TRAPPC8: variants seen among roughly 807,000 people sequenced by gnomAD.
The protein encoded by TRAPPC8 is trafficking protein particle complex subunit 8, also known as general sporulation gene 1 homolog.
A neutral mutation model predicts 174.3 loss-of-function variants in TRAPPC8; 54 were observed. The ratio of observed to expected loss-of-function variants is 0.31; its 90% confidence interval spans 0.25 to 0.39. The LOEUF is 0.39. Among genes scored for constraint, TRAPPC8 ranks in the 10% least tolerant of loss-of-function variants. The pLI, the probability that TRAPPC8 is intolerant of heterozygous loss-of-function variation, is 1.00. For missense variants in TRAPPC8, 1,531 were observed against 1,699.1 expected (o/e 0.90, Z 1.74); for synonymous variants, 630 against 579.9 (o/e 1.09, Z -1.24).
At chr18:31,867,239 C>A (rs938916733) in intron 17 of TRAPPC8, among the ~76,000 whole-genome samples, 163 bp downstream of exon 17, 3 of 152,142 alleles carry the variant, frequency 2.0e-5, no homozygotes, top group African/African-American at 7.2e-5. Flanking sequence ...AAGACCACTG[C>A]AAACCACCAA....
At chr18:31,917,430 AAAT>A in intron 3 of TRAPPC8, 145 bp downstream of exon 3, 1 of 671,484 alleles carries the variant, frequency 1.5e-6, no homozygotes, top group Non-Finnish European at 2.4e-6. Context: ...CCATTTAACA[AAAT>A]AACAAGACTC....
intron 12 of TRAPPC8, among the ~76,000 whole-genome samples, chr18:31,887,613 T>C (rs1397148699): frequency 8.1e-5 from 11 of 135,816 alleles, no homozygotes; most frequent in Non-Finnish European, 1.5e-4. Flanking sequence ...GCCATTGCAC[T>C]CCAGCCTGGG....
chr18:31,870,302 T>C lies in TRAPPC8; in HGVS notation c.2388+70A>G, dbSNP rs151089600. The C allele has an allele frequency of 2.7e-3, 3,854 of 1,415,708 alleles. 55 individuals are homozygous for C. In the African/African-American group the frequency reaches 0.038, roughly 14 times the overall value. The allele number at this position is 1,415,708 out of a possible 1,614,324, so 87.7% of individuals were successfully genotyped here. On this transcript the variant is annotated intron_variant, in intron 16 of 28. Coordinates refer to ENST00000283351, the MANE Select transcript of TRAPPC8 (RefSeq NM_014939.5). ...AGTATAGCTCACTGAACAGAGTACA[T>C]TGAAATGTTACTACAGCATTTGTTA...
chr18:31,898,914 A>C (rs1598701354), intron 10 of TRAPPC8, among the ~76,000 whole-genome samples: 2 of 152,334 alleles, frequency 1.3e-5, no homozygotes, highest in South Asian at 4.1e-4. Context: ...TAAAATTATT[A>C]ATATAACTAA....
intron 11 of TRAPPC8, among the ~76,000 whole-genome samples, chr18:31,897,033 T>C (rs1324135926): frequency 6.6e-6 from 1 of 152,094 alleles, no homozygotes; most frequent in Non-Finnish European, 1.5e-5. Flanking sequence ...AACAAGATCA[T>C]CCCCAAAACG....
intron 18 of TRAPPC8, 104 bp downstream of exon 18, chr18:31,866,745 C>G: frequency 7.7e-7 from 1 of 1,304,580 alleles, no homozygotes; most frequent in East Asian, 2.6e-5. Flanking sequence ...CTTTACTTAA[C>G]GATACATTAA....
chr18:31,920,159 A>G (rs1004573814), intron 2 of TRAPPC8, among the ~76,000 whole-genome samples: 13 of 152,332 alleles, frequency 8.5e-5, no homozygotes, highest in Non-Finnish European at 1.8e-4. Context: ...CCACCTTTTA[A>G]AATTATTTTT....
intron 13 of TRAPPC8, 84 bp from the exon 14 acceptor site, chr18:31,873,622 C>T (rs1598644450): frequency 1.1e-6 from 1 of 871,842 alleles, no homozygotes; most frequent in South Asian, 1.7e-5. Flanking sequence ...ATACACAAGG[C>T]ATTAAAAATA....
rs200236591 is a variant in TRAPPC8, at chr18:31,839,286, T to G, written c.3983+26A>C. On this transcript the variant is annotated intron_variant, in intron 27 of 28. Transcript: ENST00000283351. The stretch of plus-strand genomic sequence containing the variant: ...CACGTGCCAGTGTGTTGTAGAAAAT[T>G]TTGGTAACAAAAATAAAGCTCAAAC... The G allele has an allele frequency of 6.3e-6, 10 of 1,582,560 alleles. No homozygotes were observed. In the Admixed American group the frequency reaches 1.9e-4, roughly 29 times the overall value.
chr18:31,924,145 C>T (rs555810966), intron 2 of TRAPPC8, among the ~76,000 whole-genome samples: 4 of 151,494 alleles, frequency 2.6e-5, no homozygotes, highest in South Asian at 2.1e-4. Flanking sequence ...ATTAGCCAGG[C>T]GTGGTGGCGG....
At chr18:31,928,678 C>T (rs79982430) in intron 2 of TRAPPC8, among the ~76,000 whole-genome samples, 4,576 of 152,124 alleles carry the variant, frequency 0.03, 246 homozygotes, top group African/African-American at 0.1. Flanking sequence ...TTGATATTAA[C>T]GTATTATAAA....
intron 17 of TRAPPC8, 54 bp downstream of exon 17, chr18:31,867,345 TTTG>T (rs1370904697): frequency 8.4e-7 from 1 of 1,192,268 alleles, no homozygotes; most frequent in Non-Finnish European, 1.2e-6. Flanking sequence ...TATTTAAAAA[TTTG>T]TTTTCACCTT....
chr18:31,889,228 T>A (rs759956171), intron 12 of TRAPPC8, among the ~76,000 whole-genome samples: 41 of 152,300 alleles, frequency 2.7e-4, no homozygotes, highest in Non-Finnish European at 6.0e-4. Flanking sequence ...AAGAGGTGAT[T>A]ACGAAGCCAG....
At chr18:31,845,690 T>C (rs1234367691) in intron 26 of TRAPPC8, among the ~76,000 whole-genome samples, 1 of 152,194 alleles carries the variant, frequency 6.6e-6, no homozygotes, top group Non-Finnish European at 1.5e-5. Context: ...TTTACACTAT[T>C]CTTGAAAGTT....
chr18:31,929,090 G>A (rs1395046297), intron 2 of TRAPPC8, among the ~76,000 whole-genome samples: 2 of 151,894 alleles, frequency 1.3e-5, no homozygotes, highest in East Asian at 3.9e-4. Flanking sequence ...GCTGAGGCAG[G>A]AGAATCTCTC....
intron 12 of TRAPPC8, among the ~76,000 whole-genome samples, chr18:31,885,843 A>G (rs963248959): frequency 2.0e-5 from 3 of 151,448 alleles, no homozygotes; most frequent in African/African-American, 7.3e-5. Context: ...CTGGGCAACA[A>G]GAGCAAAACT....
chr18:31,935,548 T>TGAA lies in TRAPPC8; in HGVS notation c.158-4026_158-4025insTTC, dbSNP rs745488703. On this transcript the variant is annotated intron_variant, in intron 1 of 28. Transcript: ENST00000283351. Reference sequence around the variant, plus strand: ...GGGCAACAAGAGCGAAACTCCATCTTAAAAAAAAAAAAAAAAAAAAGCAGG... The same window carrying TGAA: ...GGGCAACAAGAGCGAAACTCCATCTTGAAAAAAAAAAAAAAAAAAAAAAGCAGG... Among the ~76,000 whole-genome samples, 18 of 46,264 alleles carry TGAA rather than the reference T, an allele frequency of 3.9e-4. 3 individuals carry two copies. Among genetic ancestry groups the TGAA allele is most frequent in the Non-Finnish European group, 4.2e-4 (12 of 28,288 alleles). 30.4% of individuals were successfully genotyped at this position (46,264 alleles called of 152,430 possible). A position where few individuals can be genotyped will look rare whatever the true frequency, so the allele number is the denominator to read the frequency against.
chr18:31,850,292 T>C (rs2033642981), intron 24 of TRAPPC8, among the ~76,000 whole-genome samples: 4 of 152,128 alleles, frequency 2.6e-5, no homozygotes, highest in African/African-American at 9.7e-5. Flanking sequence ...CCAAAATAAT[T>C]AAACTACGCT....
At chr18:31,881,467 C>A (rs1239930561) in intron 12 of TRAPPC8, among the ~76,000 whole-genome samples, 2 of 152,086 alleles carry the variant, frequency 1.3e-5, no homozygotes, top group Non-Finnish European at 2.9e-5. Flanking sequence ...TAGACCCCTA[C>A]CTATCACCAT....
Sources: gnomAD v4.1 joint callset for allele counts (sites outside exome capture counted in the v4.1 genomes callset) on GRCh38, gnomAD v4.1.1 for gene constraint, MANE v1.5 for transcripts, NCBI Gene and HGNC (gene_info 2026-07-23, HGNC 2026-07-21) for gene names.